Variants in DAB1 observed in about 807,000 individuals in gnomAD.
DAB1 encodes DAB adaptor protein 1.
In DAB1, 15 loss-of-function variants were observed where a neutral mutation model predicts 64.6. The ratio of observed to expected loss-of-function variants is 0.23; its 90% CI spans 0.16 to 0.36. DAB1 has a LOEUF of 0.36. Ranked by LOEUF, DAB1 falls within the 10% of genes least tolerant of loss-of-function variation. DAB1 has a pLI of 1.00. For missense variants in DAB1, 596 were observed against 706.7 expected, an observed-to-expected ratio of 0.84 and a Z score of 1.78; for synonymous variants, 235 against 251.9, an observed-to-expected ratio of 0.93 and a Z score of 0.64.
chr1:58,482,293 A>G (rs1286900702), intron 3 of DAB1, among the ~76,000 whole-genome samples: 1 of 152,198 alleles, frequency 6.6e-6, no homozygotes, highest in African/African-American at 2.4e-5. Flanking sequence ...TAAGCATGTT[A>G]TTTAGACACA....
At chr1:58,205,061 T>A (rs893577263) in intron 4 of DAB1, among the ~76,000 whole-genome samples, 1 of 152,158 alleles carries the variant, frequency 6.6e-6, no homozygotes, top group Non-Finnish European at 1.5e-5. Flanking sequence ...GAGGTCAAAA[T>A]GGTTGAAGTC....
At chr1:57,693,025 G>A (rs1646782011) in intron 6 of DAB1, among the ~76,000 whole-genome samples, 1 of 152,014 alleles carries the variant, frequency 6.6e-6, no homozygotes, top group Admixed American at 6.6e-5. Flanking sequence ...TAACCTCCTT[G>A]TCAAATTTGT....
At chr1:57,381,342 A>C (rs1681357138) in intron 1 of DAB1, among the ~76,000 whole-genome samples, 1 of 152,216 alleles carries the variant, frequency 6.6e-6, no homozygotes, top group Non-Finnish European at 1.5e-5. Context: ...AATCAACTCA[A>C]GCTTCTTACA....
intron 5 of DAB1, among the ~76,000 whole-genome samples, chr1:57,960,326 G>A (rs1324830766): frequency 6.6e-6 from 1 of 152,072 alleles, no homozygotes; most frequent in Admixed American, 6.6e-5. Flanking sequence ...TCCTGTAAAA[G>A]ACAGATAATA....
chr1:58,237,285 C>A (rs1049183030), intron 4 of DAB1, among the ~76,000 whole-genome samples: 54 of 152,098 alleles, frequency 3.6e-4, no homozygotes, highest in Non-Finnish European at 6.2e-4. Context: ...TTTGCACGTA[C>A]GTAGATGAAA....
At chr1:57,121,847 C>T (rs747346643) in intron 4 of DAB1, among the ~76,000 whole-genome samples, 4 of 151,866 alleles carry the variant, frequency 2.6e-5, no homozygotes, top group Admixed American at 6.6e-5. Context: ...ACCACCATGG[C>T]ACATGTGTAC....
At chr1:57,959,263 G>A (rs1334886226) in intron 5 of DAB1, among the ~76,000 whole-genome samples, 1 of 152,186 alleles carries the variant, frequency 6.6e-6, no homozygotes, top group Non-Finnish European at 1.5e-5. Context: ...GCCAGTGCAA[G>A]GGTCAAATAT....
intron 6 of DAB1, among the ~76,000 whole-genome samples, chr1:57,650,169 A>C (rs1254978779): frequency 6.6e-6 from 1 of 152,018 alleles, no homozygotes; most frequent in Non-Finnish European, 1.5e-5. Flanking sequence ...ACAAGGTGTC[A>C]CTCTGTTGCC....
At chr1:57,098,040 G>A (rs1654333379) in intron 4 of DAB1, among the ~76,000 whole-genome samples, 1 of 152,122 alleles carries the variant, frequency 6.6e-6, no homozygotes, top group Non-Finnish European at 1.5e-5. Flanking sequence ...GCCTCCCAAA[G>A]TGCTGGGATT....
chr1:58,092,076 C>T (rs1037209143), intron 5 of DAB1, among the ~76,000 whole-genome samples: 48 of 152,034 alleles, frequency 3.2e-4, no homozygotes, highest in African/African-American at 8.2e-4. Context: ...ATGGCTCACA[C>T]CTGTAATGCC....
At chr1:57,871,025 A>T (rs1433919525) in intron 1 of DAB1, among the ~76,000 whole-genome samples, 4 of 152,190 alleles carry the variant, frequency 2.6e-5, no homozygotes, top group Admixed American at 2.6e-4. Context: ...GCTTTAACAG[A>T]TAATCATAAA....
At chr1:58,102,112 G>C (rs565396340) in intron 5 of DAB1, among the ~76,000 whole-genome samples, 1 of 152,314 alleles carries the variant, frequency 6.6e-6, no homozygotes, top group East Asian at 1.9e-4. Flanking sequence ...GAATATTGGG[G>C]CACAGAAAGG....
intron 2 of DAB1, among the ~76,000 whole-genome samples, chr1:57,157,160 T>G (rs1387647666): frequency 6.6e-6 from 1 of 152,190 alleles, no homozygotes; most frequent in Non-Finnish European, 1.5e-5. Context: ...TATTATCTTA[T>G]CTCTCCCACT....
chr1:57,794,994 G>T (rs1456465443), intron 6 of DAB1, among the ~76,000 whole-genome samples: 1 of 152,166 alleles, frequency 6.6e-6, no homozygotes, highest in African/African-American at 2.4e-5. Context: ...GTAGCACCAG[G>T]CTATAACCAT....
chr1:57,685,246 G>A (rs866194864), intron 6 of DAB1, among the ~76,000 whole-genome samples: 3 of 151,264 alleles, frequency 2.0e-5, no homozygotes, highest in South Asian at 4.2e-4. Context: ...GCCACCACTC[G>A]TGGCCGGGAG....
At chr1:57,443,982 TTGA>T (rs1444417099) in intron 7 of DAB1, among the ~76,000 whole-genome samples, 4 of 152,210 alleles carry the variant, frequency 2.6e-5, no homozygotes, top group Non-Finnish European at 5.9e-5. Flanking sequence ...TTTTAAAATC[TTGA>T]TGAAGTCTTT....
intron 7 of DAB1, among the ~76,000 whole-genome samples, chr1:57,641,203 G>T (rs1019600565): frequency 5.9e-5 from 9 of 152,008 alleles, no homozygotes; most frequent in African/African-American, 1.9e-4. Flanking sequence ...TTAGCTCATT[G>T]CAGGGAAGCC....
At chr1:57,693,524 C>A (rs565824628) in intron 6 of DAB1, among the ~76,000 whole-genome samples, 22 of 151,858 alleles carry the variant, frequency 1.4e-4, no homozygotes, top group Non-Finnish European at 5.9e-5. Flanking sequence ...ATGGACCAAT[C>A]AGCAGGATGT....
intron 3 of DAB1, among the ~76,000 whole-genome samples, chr1:58,477,711 G>A (rs56138615): frequency 0.18 from 27,540 of 152,096 alleles, 2,645 homozygotes; most frequent in African/African-American, 0.24. Flanking sequence ...GGGAACAGGT[G>A]AGAAAGACTG....
Sources: gnomAD v4.1 joint callset for allele counts (sites outside exome capture counted in the v4.1 genomes callset) on GRCh38, gnomAD v4.1.1 for gene constraint, MANE v1.5 for transcripts, NCBI Gene and HGNC (gene_info 2026-07-23, HGNC 2026-07-21) for gene names.